The following CTNNA3 variants were observed in gnomAD, a reference collection of about 807,000 sequenced individuals.
The protein encoded by CTNNA3 is catenin alpha 3.
CTNNA3 carries 76 observed loss-of-function variants against 95.7 expected under a neutral mutation model. That is an observed-to-expected ratio of 0.79 (90% confidence interval 0.66 to 0.96). The LOEUF is 0.96. Among genes scored for constraint, CTNNA3 ranks in the 40% least tolerant of loss-of-function variants. The pLI, the probability that CTNNA3 is intolerant of heterozygous loss-of-function variation, is 0.00. For missense variants in CTNNA3, 1,191 were observed against 1,089.8 expected, an observed-to-expected ratio of 1.09 and a Z score of -1.31; for synonymous variants, 431 against 374.4, an observed-to-expected ratio of 1.15 and a Z score of -1.74.
At chr10:66,664,907 A>C (rs1418507451) in intron 9 of CTNNA3, among the ~76,000 whole-genome samples, 3 of 138,578 alleles carry the variant, frequency 2.2e-5, no homozygotes, top group East Asian at 2.3e-4. Flanking sequence ...AAAAAAAAAA[A>C]AAACAGAGAT....
intron 7 of CTNNA3, among the ~76,000 whole-genome samples, chr10:66,940,455 C>A (rs1399564079): frequency 2.6e-5 from 4 of 152,134 alleles, no homozygotes; most frequent in African/African-American, 9.7e-5. Context: ...GCCTGAGCAA[C>A]AGAGCAAGAT....
intron 7 of CTNNA3, among the ~76,000 whole-genome samples, chr10:66,825,052 AAATT>A: frequency 6.6e-6 from 1 of 151,876 alleles, no homozygotes. Context: ...CAAAAAAAAA[AAATT>A]ATTTAGAAAA....
At chr10:66,442,247 T>C (rs2093380166) in intron 11 of CTNNA3, among the ~76,000 whole-genome samples, 1 of 152,176 alleles carries the variant, frequency 6.6e-6, no homozygotes, top group South Asian at 2.1e-4. Flanking sequence ...AATAGTACAC[T>C]ATTTTATATA....
At chr10:67,563,763 C>A (rs1465541644) in intron 3 of CTNNA3, among the ~76,000 whole-genome samples, 1 of 151,812 alleles carries the variant, frequency 6.6e-6, no homozygotes, top group Non-Finnish European at 1.5e-5. Context: ...GGCTAATATC[C>A]AGAATCGATA....
At chr10:66,699,169 C>A (rs1348292340) in intron 9 of CTNNA3, among the ~76,000 whole-genome samples, 1 of 152,104 alleles carries the variant, frequency 6.6e-6, no homozygotes, top group Non-Finnish European at 1.5e-5. Context: ...GCTAAGGTTG[C>A]AATGAATGTA....
intron 1 of CTNNA3, among the ~76,000 whole-genome samples, chr10:67,709,747 C>G (rs2133610039): frequency 6.6e-6 from 1 of 152,154 alleles, no homozygotes; most frequent in East Asian, 1.9e-4. Context: ...CCTCTTACCC[C>G]TGATGTTTCT....
chr10:66,433,512 C>A (rs1239167486), intron 11 of CTNNA3, among the ~76,000 whole-genome samples: 3 of 151,610 alleles, frequency 2.0e-5, no homozygotes, highest in East Asian at 1.9e-4. Flanking sequence ...CTTGTAAATT[C>A]ATTTAAGTTC....
At chr10:67,112,880 T>TA (rs1208915729) in intron 7 of CTNNA3, among the ~76,000 whole-genome samples, 46 of 151,262 alleles carry the variant, frequency 3.0e-4, no homozygotes, top group South Asian at 1.7e-3. Flanking sequence ...TATCATTTTT[T>TA]AAAAAAAAAC....
At chr10:65,978,195 C>A (rs2078244682) in intron 16 of CTNNA3, among the ~76,000 whole-genome samples, 1 of 151,976 alleles carries the variant, frequency 6.6e-6, no homozygotes, top group Non-Finnish European at 1.5e-5. Context: ...TCCTCCTTTC[C>A]TTATCATTCT....
intron 15 of CTNNA3, among the ~76,000 whole-genome samples, chr10:66,039,784 A>G (rs1413126981): frequency 6.6e-6 from 1 of 152,244 alleles, no homozygotes; most frequent in East Asian, 1.9e-4. Flanking sequence ...ACCCTGGAAG[A>G]AAACCTAGGC....
chr10:66,420,336 T>C (rs942331228), intron 11 of CTNNA3, among the ~76,000 whole-genome samples: 7 of 152,292 alleles, frequency 4.6e-5, no homozygotes, highest in Non-Finnish European at 7.4e-5. Flanking sequence ...TGAAATATTA[T>C]CTTACTCCAG....
intron 7 of CTNNA3, among the ~76,000 whole-genome samples, chr10:66,924,365 T>C (rs1473390689): frequency 6.6e-6 from 1 of 152,206 alleles, no homozygotes; most frequent in Non-Finnish European, 1.5e-5. Flanking sequence ...CCACAGACAG[T>C]TCACCTAACA....
intron 13 of CTNNA3, chr10:66,118,172 A>G (rs2082416253): frequency 6.6e-6 from 1 of 152,220 alleles, no homozygotes; most frequent in Admixed American, 6.5e-5. Flanking sequence ...ATTACAAATA[A>G]TCATTGTAAT....
intron 4 of CTNNA3, 74 bp from the exon 5 acceptor site, chr10:67,522,035 A>C: frequency 6.8e-7 from 1 of 1,468,164 alleles, no homozygotes; most frequent in Non-Finnish European, 9.3e-7. Context: ...GCTAACACGA[A>C]GAGTCGATAA....
At chr10:67,170,316 T>C (rs1054003922) in intron 7 of CTNNA3, among the ~76,000 whole-genome samples, 1 of 152,298 alleles carries the variant, frequency 6.6e-6, no homozygotes, top group Non-Finnish European at 1.5e-5. Context: ...AAGACACATG[T>C]ACACGAATGT....
At chr10:66,427,441 T>C (rs1455043955) in intron 11 of CTNNA3, among the ~76,000 whole-genome samples, 11 of 152,040 alleles carry the variant, frequency 7.2e-5, no homozygotes, top group Non-Finnish European at 7.4e-5. Flanking sequence ...TTAACATCTA[T>C]AGGGTCAGTA....
chr10:65,962,661 C>T (rs1589182707), intron 17 of CTNNA3, among the ~76,000 whole-genome samples: 4 of 152,086 alleles, frequency 2.6e-5, no homozygotes, highest in African/African-American at 9.6e-5. Flanking sequence ...CACCCATCAA[C>T]CCATCACCTA....
intron 15 of CTNNA3, among the ~76,000 whole-genome samples, chr10:66,020,969 G>A (rs10822694): frequency 0.18 from 26,801 of 151,942 alleles, 2,623 homozygotes; most frequent in Admixed American, 0.25. Context: ...CACTGCATCC[G>A]GCCGATGATC....
chr10:66,476,097 T>C (rs1375559132), intron 11 of CTNNA3, among the ~76,000 whole-genome samples: 1 of 151,952 alleles, frequency 6.6e-6, no homozygotes, highest in African/African-American at 2.4e-5. Flanking sequence ...TCATCCTTAG[T>C]AAACCAAGGC....
Sources: gnomAD v4.1 joint callset for allele counts (sites outside exome capture counted in the v4.1 genomes callset) on GRCh38, gnomAD v4.1.1 for gene constraint, MANE v1.5 for transcripts, NCBI Gene and HGNC (gene_info 2026-07-23, HGNC 2026-07-21) for gene names.